Variants in MPZL1 observed in about 807,000 individuals in gnomAD.
The protein encoded by MPZL1 is myelin protein zero like 1, also known as myelin protein zero-like protein 1.
Under a neutral mutation model 29.3 loss-of-function variants are expected in MPZL1, and 16 were observed. The observed-to-expected ratio is 0.55, with a 90% CI of 0.37 to 0.83. The LOEUF is 0.83. MPZL1 is among the 40% of genes least tolerant of loss of function. The pLI, the probability that MPZL1 is intolerant of heterozygous loss-of-function variation, is 0.00. For synonymous variants in MPZL1, 143 were observed against 132.0 expected, an observed-to-expected ratio of 1.08 and a Z score of -0.57; for missense variants, 279 against 332.9, an observed-to-expected ratio of 0.84 and a Z score of 1.26.
At chr1:167,737,402 A>G (rs1234216531) in intron 1 of MPZL1, among the ~76,000 whole-genome samples, 1 of 152,222 alleles carries the variant, frequency 6.6e-6, no homozygotes, top group African/African-American at 2.4e-5. Flanking sequence ...GCTCAGGGCC[A>G]GGATGAGGCT....
chr1:167,751,012 G>A (rs1180572877), intron 1 of MPZL1, among the ~76,000 whole-genome samples: 7 of 152,206 alleles, frequency 4.6e-5, no homozygotes, highest in Non-Finnish European at 1.0e-4. Context: ...CGGAAGTAAT[G>A]TTCTGTTCTT....
At chr1:167,774,560 C>T (rs888396471) in intron 4 of MPZL1, 3 of 152,204 alleles carry the variant, frequency 2.0e-5, no homozygotes, top group African/African-American at 7.2e-5. Context: ...TATAGTTGGA[C>T]TATTGGTTTC....
intron 1 of MPZL1, among the ~76,000 whole-genome samples, chr1:167,736,455 CTG>C (rs1444769104): frequency 6.6e-6 from 1 of 152,170 alleles, no homozygotes; most frequent in Non-Finnish European, 1.5e-5. Context: ...ACCTCAAACT[CTG>C]TATGCTCAGA....
At chr1:167,739,322 T>TATATATACATACATACA (rs1491460804) in intron 1 of MPZL1, among the ~76,000 whole-genome samples, 1 of 139,576 alleles carries the variant, frequency 7.2e-6, no homozygotes, top group Non-Finnish European at 1.5e-5. Flanking sequence ...CATATATATA[T>TATATATACATACATACA]TTATGTTTAT....
chr1:167,735,620 A>T (rs190020898), intron 1 of MPZL1, among the ~76,000 whole-genome samples: 348 of 152,262 alleles, frequency 2.3e-3, no homozygotes, highest in African/African-American at 8.1e-3. Context: ...GTAAGTCCAA[A>T]ATCTGCAGGG....
chr1:167,765,946 T>C, intron 2 of MPZL1, 197 bp downstream of exon 2: 2 of 400,054 alleles, frequency 5.0e-6, no homozygotes, highest in Non-Finnish European at 4.4e-6. Flanking sequence ...TCCTTGTCTT[T>C]GATCAGTTCC....
Position 167,772,466 on chromosome 1 carries a change from T to G in MPZL1, c.450T>G (p.Ile150Met). The change falls in exon 3 of 6, where the codon ATT becomes ATG. Residue 150 changes from isoleucine (I) to methionine (M), a missense_variant. Transcript: ENST00000359523. ...PPDIVVQPGH[I>M]RLYVVEKENL... ...ACATCGTTGTCCAGCCTGGACACAT[T>G]AGGCTCTATGTCGTAGAAAAAGGTA... The G allele has an allele frequency of 6.2e-7, 1 of 1,613,986 alleles. No homozygotes were observed. Among genetic ancestry groups the G allele is most frequent in the Non-Finnish European group, 8.5e-7 (1 of 1,179,828 alleles).
intron 1 of MPZL1, among the ~76,000 whole-genome samples, chr1:167,764,120 C>T (rs1661057454): frequency 6.6e-6 from 1 of 152,104 alleles, no homozygotes; most frequent in Non-Finnish European, 1.5e-5. Flanking sequence ...ATATTTATTC[C>T]AAACGATTTC....
At chr1:167,743,890 C>T (rs1431643083) in intron 1 of MPZL1, among the ~76,000 whole-genome samples, 1 of 151,964 alleles carries the variant, frequency 6.6e-6, no homozygotes, top group African/African-American at 2.4e-5. Context: ...GATTTGGATG[C>T]CCTTTATTTC....
chr1:167,754,200 T>G (rs1435020610), intron 1 of MPZL1, among the ~76,000 whole-genome samples: 1 of 152,008 alleles, frequency 6.6e-6, no homozygotes, highest in South Asian at 2.1e-4. Flanking sequence ...GGTTTCACCA[T>G]GTTGCCCAGG....
intron 1 of MPZL1, among the ~76,000 whole-genome samples, chr1:167,761,873 T>A (rs892724170): frequency 1.3e-5 from 2 of 152,122 alleles, no homozygotes; most frequent in Admixed American, 1.3e-4. Context: ...GAGAGCTGAT[T>A]GTGTATGCAA....
chr1:167,723,004 A>G (rs1256966518), intron 1 of MPZL1, among the ~76,000 whole-genome samples: 2 of 152,220 alleles, frequency 1.3e-5, no homozygotes, highest in African/African-American at 2.4e-5. Context: ...TTTTCTTACC[A>G]AATATTGTGA....
intron 5 of MPZL1, among the ~76,000 whole-genome samples, chr1:167,777,941 T>C (rs1416162646): frequency 4.6e-5 from 7 of 152,220 alleles, no homozygotes; most frequent in Admixed American, 2.6e-4. Flanking sequence ...TTTAGTTGCA[T>C]TTTACAACAA....
At position 167,787,954 on chromosome 1, in the gene MPZL1, C is replaced by A. The variant is rs1661623472; in HGVS notation, c.*33C>A. 2 of 1,550,144 alleles carry A rather than the reference C, an allele frequency of 1.3e-6. No individual in the cohort carries two copies. Among genetic ancestry groups the A allele is most frequent in the South Asian group, 1.1e-5 (1 of 89,604 alleles). Reference sequence around the variant, plus strand: ...CCTAGAACATATCCTCAGCAAGAAACAAAACCAAACTGGACTCTCGTGCAG... The same window carrying A: ...CCTAGAACATATCCTCAGCAAGAAAAAAAACCAAACTGGACTCTCGTGCAG... On this transcript the variant is annotated 3_prime_UTR_variant, in exon 6 of 6. Coordinates refer to ENST00000359523, the MANE Select transcript of MPZL1 (RefSeq NM_003953.6).
At chr1:167,737,369 A>G (rs1660397587) in intron 1 of MPZL1, among the ~76,000 whole-genome samples, 1 of 152,202 alleles carries the variant, frequency 6.6e-6, no homozygotes, top group African/African-American at 2.4e-5. Context: ...TGTACTGTAG[A>G]CACTGGATTT....
At chr1:167,758,868 C>T (rs771980591) in intron 1 of MPZL1, among the ~76,000 whole-genome samples, 5 of 152,172 alleles carry the variant, frequency 3.3e-5, no homozygotes, top group Non-Finnish European at 5.9e-5. Context: ...GGATTCGGTA[C>T]TCCTTATAGA....
At chr1:167,743,250 C>T (rs1378172357) in intron 1 of MPZL1, among the ~76,000 whole-genome samples, 8 of 151,568 alleles carry the variant, frequency 5.3e-5, no homozygotes, top group African/African-American at 1.2e-4. Flanking sequence ...CTCGCTCTGT[C>T]GCCAGGCTGG....
intron 5 of MPZL1, among the ~76,000 whole-genome samples, chr1:167,780,059 CTG>C (rs1189173608): frequency 4.6e-5 from 7 of 152,042 alleles, no homozygotes; most frequent in Admixed American, 3.9e-4. Context: ...ATAAGTAAAA[CTG>C]AGAGAATTGG....
chr1:167,728,905 T>C (rs560739500), intron 1 of MPZL1, among the ~76,000 whole-genome samples: 10 of 152,274 alleles, frequency 6.6e-5, no homozygotes, highest in Admixed American at 6.5e-5. Flanking sequence ...GCAATGAACA[T>C]TTTTTCATAC....
Sources: allele counts gnomAD v4.1 joint callset (sites outside exome capture counted in the v4.1 genomes callset), GRCh38; gene constraint gnomAD v4.1.1; transcripts MANE v1.5; gene names NCBI Gene and HGNC (gene_info 2026-07-23, HGNC 2026-07-21).